GSG1: variants seen among roughly 807,000 people sequenced by gnomAD.
The protein encoded by GSG1 is germ cell-specific gene 1 protein.
In GSG1, 28 loss-of-function variants were observed where a neutral mutation model predicts 30.8. The observed-to-expected ratio is 0.91, with a 90% CI of 0.67 to 1.25. The LOEUF (loss-of-function observed/expected upper bound fraction) is 1.25, where lower values mean the gene tolerates loss of function less well. Among genes scored for constraint, GSG1 ranks in the 50% most tolerant of loss-of-function variants. The pLI is 0.00. For missense variants in GSG1, 435 were observed against 444.7 expected (o/e 0.98, Z 0.20); for synonymous variants, 162 against 178.0 (o/e 0.91, Z 0.71).
In GSG1 at chr12:13,090,604, T is replaced by C. The variant is rs750006525; in HGVS notation, c.263A>G (p.Glu88Gly). The change falls in exon 2 of 7, where the codon GAG becomes GGG. Residue 88 changes from glutamate to glycine, a missense_variant. Coordinates refer to ENST00000651961, the MANE Select transcript of GSG1 (RefSeq NM_001080555.4). ...LDGDTNTSTQ[E>G]VVQYNWETGD... ...AGTCTCCCAGTTGTATTGTACCACC[T>C]CCTGGGTGGATGTGTTGGTATCTCC... is the stretch of plus-strand genomic sequence containing the variant. The C allele has an allele frequency of 8.7e-6, 14 of 1,614,092 alleles. No individual in the cohort carries two copies. Among genetic ancestry groups the C allele is most frequent in the Non-Finnish European group, 1.2e-5 (14 of 1,180,014 alleles).
intron 1 of GSG1, among the ~76,000 whole-genome samples, chr12:13,099,277 G>C (rs1862975261): frequency 6.6e-6 from 1 of 152,076 alleles, no homozygotes; most frequent in Non-Finnish European, 1.5e-5. Flanking sequence ...TCCTCTCTTA[G>C]AACAGAAGAA....
At chr12:13,087,886 C>T (rs199682106) in intron 5 of GSG1, 21 bp downstream of exon 5, 2 of 1,611,192 alleles carry the variant, frequency 1.2e-6, no homozygotes, top group Admixed American at 1.7e-5. Context: ...ACCACCCTCT[C>T]TCACTCCAGG....
At chr12:13,095,426 C>T (rs184106158) in intron 1 of GSG1, among the ~76,000 whole-genome samples, 19 of 152,290 alleles carry the variant, frequency 1.2e-4, no homozygotes, top group Admixed American at 1.2e-3. Flanking sequence ...AGTGCGTAGG[C>T]GCCAATGTAT....
In GSG1 at chr12:13,097,275, T is replaced by A. The variant is rs1331999764; in HGVS notation, c.48+6190A>T. On this transcript the variant is annotated intron_variant, in intron 1 of 6. Coordinates refer to ENST00000651961, the MANE Select transcript of GSG1 (RefSeq NM_001080555.4). ...TGCCTGCCTTTCAACGAAATTAGTC[T>A]AAAAAGTCATCCACTCTTTGAAAAT... Among the ~76,000 whole-genome samples, 5 of 152,288 alleles carry A rather than the reference T, an allele frequency of 3.3e-5. No individual in the cohort carries two copies. In the East Asian group the frequency reaches 7.7e-4, roughly 24 times the overall value.
rs1235693573 is a variant in GSG1, at chr12:13,101,386, C to T, written c.48+2079G>A. ...TTGCGAGGCCCCGCCCCGCGGCCGC[C>T]AACCACCCATGGCTTCCTGACCGGG... On this transcript the variant is annotated intron_variant, in intron 1 of 6. Coordinates refer to ENST00000651961, the MANE Select transcript of GSG1 (RefSeq NM_001080555.4). The surrounding 1 kb of genome is among the most constrained non-coding windows in gnomAD (Gnocchi z 5.8). 6.6e-6 allele frequency among the ~76,000 whole-genome samples: 1 copy of T among 152,234 alleles called. No homozygotes were observed. Among genetic ancestry groups the T allele is most frequent in the Non-Finnish European group, 1.5e-5 (1 of 68,034 alleles).
chr12:13,103,317 T>A, intron 1 of GSG1, 148 bp downstream of exon 1: 1 of 680,008 alleles, frequency 1.5e-6, no homozygotes, highest in East Asian at 2.6e-5. Flanking sequence ...CATTCCATTT[T>A]GTAGAACCCT....
chr12:13,092,017 AGTG>A (rs372236434), intron 1 of GSG1, among the ~76,000 whole-genome samples: 19 of 152,328 alleles, frequency 1.2e-4, no homozygotes, highest in African/African-American at 4.3e-4. Flanking sequence ...ACTACAGAAA[AGTG>A]GTGATTTGCA....
intron 4 of GSG1, among the ~76,000 whole-genome samples, chr12:13,088,447 C>G (rs1418385348): frequency 1.3e-5 from 2 of 152,034 alleles, no homozygotes; most frequent in Non-Finnish European, 2.9e-5. Flanking sequence ...TTTCATTTTA[C>G]CAAATAATAA....
chr12:13,091,723 G>C (rs968361139), intron 1 of GSG1, among the ~76,000 whole-genome samples: 1 of 152,152 alleles, frequency 6.6e-6, no homozygotes, highest in African/African-American at 2.4e-5. Context: ...AACAACAATA[G>C]ATCATGGCCT....
intron 6 of GSG1, 76 bp from the exon 7 acceptor site, chr12:13,085,319 T>C (rs1251724410): frequency 7.5e-7 from 1 of 1,341,776 alleles, no homozygotes; most frequent in Non-Finnish European, 1.0e-6. Flanking sequence ...GACCTCTTCC[T>C]ACTAGTGGAC....
rs1425785423 is a variant in GSG1 at position 13,087,136 on chromosome 12, A to G, written c.746+16T>C. 6.4e-7 allele frequency: 1 copy of G among 1,557,386 alleles called. No homozygotes were observed. Among genetic ancestry groups the G allele is most frequent in the Admixed American group, 1.7e-5 (1 of 59,924 alleles). On this transcript the variant is annotated intron_variant, in intron 6 of 6. Coordinates refer to ENST00000651961, the MANE Select transcript of GSG1 (RefSeq NM_001080555.4). ...TTGGCTGGGGCTACAAAGGTTCAGG[A>G]GATGACAGCACTTACTAGAAGGCCC...
At chr12:13,092,958 AT>A (rs1303046735) in intron 1 of GSG1, among the ~76,000 whole-genome samples, 12 of 149,150 alleles carry the variant, frequency 8.0e-5, no homozygotes, top group African/African-American at 9.9e-5. Context: ...TGCCTGGCTA[AT>A]TTTTTTTTGT....
chr12:13,088,982 T>A, intron 3 of GSG1, 73 bp from the exon 4 acceptor site: 3 of 1,546,854 alleles, frequency 1.9e-6, no homozygotes, highest in Non-Finnish European at 2.7e-6. Context: ...CCCCACCCCA[T>A]AACTGGTACT....
intron 1 of GSG1, 101 bp from the exon 2 acceptor site, chr12:13,090,919 A>C: frequency 1.0e-6 from 1 of 981,166 alleles, no homozygotes; most frequent in Non-Finnish European, 1.5e-6. Context: ...CCTCCGCTCA[A>C]GCCATACTCC....
Position 13,090,563 on chromosome 12 carries a change from A to G in GSG1, c.304T>C (p.Ser102Pro). The change falls in exon 2 of 7, where the codon TCC becomes CCC. Residue 102 changes from serine to proline, a missense_variant. Coordinates refer to ENST00000651961, the MANE Select transcript of GSG1 (RefSeq NM_001080555.4). The part of the protein sequence containing the change: ...YNWETGDDRF[S>P]FRSFRSGMWL... ...ATGCCACTCCGGAAGCTCCGGAAGG[A>G]GAACCGGTCATCCCCAGTCTCCCAG... The G allele has an allele frequency of 1.2e-6, 2 of 1,614,232 alleles. No homozygotes were observed. Among genetic ancestry groups the G allele is most frequent in the South Asian group, 1.1e-5 (1 of 91,086 alleles).
intron 1 of GSG1, among the ~76,000 whole-genome samples, chr12:13,100,862 TCG>T (rs1863144851): frequency 6.6e-6 from 1 of 152,184 alleles, no homozygotes; most frequent in African/African-American, 2.4e-5. Flanking sequence ...CCTCAAATGG[TCG>T]CACAATCAAA....
intron 1 of GSG1, among the ~76,000 whole-genome samples, chr12:13,098,145 T>C (rs1417517569): frequency 6.6e-6 from 1 of 151,964 alleles, no homozygotes; most frequent in Non-Finnish European, 1.5e-5. Context: ...TTCTTTGTTT[T>C]TTTTTTTTTT....
At chr12:13,095,491 G>T in intron 1 of GSG1, 1 of 1,073,582 alleles carries the variant, frequency 9.3e-7, no homozygotes, top group Non-Finnish European at 1.5e-6. Context: ...AATTAGCATA[G>T]GCTAGGAAGG....
intron 1 of GSG1, among the ~76,000 whole-genome samples, chr12:13,096,722 C>A (rs889070804): frequency 2.0e-5 from 3 of 151,892 alleles, no homozygotes; most frequent in African/African-American, 7.3e-5. Context: ...TCTAAGAAAC[C>A]AGTAAGGGGT....
Sources: allele counts gnomAD v4.1 joint callset (sites outside exome capture counted in the v4.1 genomes callset), GRCh38; gene constraint gnomAD v4.1.1; non-coding constraint Gnocchi (gnomAD v3.1); transcripts MANE v1.5; gene names NCBI Gene and HGNC (gene_info 2026-07-23, HGNC 2026-07-21).